Variants in PTPN14 observed in about 807,000 individuals in gnomAD.
PTPN14 encodes protein tyrosine phosphatase non-receptor type 14, also known as tyrosine-protein phosphatase non-receptor type 14.
In PTPN14, 53 loss-of-function variants were observed where a neutral mutation model predicts 126.8. The observed-to-expected ratio is 0.42, with a 90% CI of 0.34 to 0.53. PTPN14 has a LOEUF of 0.53. PTPN14 is among the 20% of genes least tolerant of loss of function. PTPN14 has a pLI of 0.08. For synonymous variants in PTPN14, 630 were observed against 599.3 expected, an observed-to-expected ratio of 1.05 and a Z score of -0.75; for missense variants, 1,257 against 1,552.9, an observed-to-expected ratio of 0.81 and a Z score of 3.20.
chr1:214,390,795 G>C (rs1324977131), intron 11 of PTPN14, among the ~76,000 whole-genome samples, 193 bp downstream of exon 11: 1 of 152,182 alleles, frequency 6.6e-6, no homozygotes, highest in Non-Finnish European at 1.5e-5. Flanking sequence ...GCCACACTTA[G>C]AGTAGTGGTG....
chr1:214,359,126 A>G (rs1657892417), intron 18 of PTPN14, among the ~76,000 whole-genome samples: 1 of 152,182 alleles, frequency 6.6e-6, no homozygotes, highest in Non-Finnish European at 1.5e-5. Flanking sequence ...AAGTGAGATA[A>G]TTTAAGTGTA....
chr1:214,384,506 C>A lies in PTPN14; in HGVS notation c.1349G>T (p.Arg450Leu), dbSNP rs373748699. ...ATGCAGGATCCCCCTCTTCATCTGG[C>A]GCATGACTGTCTCATAATCGGGGGT... The part of the protein sequence containing the change: ...RPTPDYETVM[R>L]QMKRGILHTD... The change falls in exon 13 of 19, where the codon CGC becomes CTC. Residue 450 changes from arginine to leucine, a missense_variant. By Grantham distance (102) the Arg-to-Leu change is moderately radical. Transcript: ENST00000366956. The surrounding 1 kb of genome is among the most constrained non-coding windows in gnomAD (Gnocchi z 5.3). The A allele has an allele frequency of 4.5e-5, 72 of 1,614,006 alleles. 2 individuals carry two copies. Among genetic ancestry groups the A allele is most frequent in the East Asian group, 2.0e-4 (9 of 44,892 alleles).
intron 3 of PTPN14, among the ~76,000 whole-genome samples, chr1:214,415,906 G>C (rs969641857): frequency 6.6e-6 from 1 of 152,028 alleles, no homozygotes; most frequent in African/African-American, 2.4e-5. Flanking sequence ...ACCTAATATG[G>C]GCTAGAAAAA....
chr1:214,366,875 C>T lies in PTPN14; in HGVS notation c.3272-2200G>A, dbSNP rs376564885. On this transcript the variant is annotated intron_variant, in intron 17 of 18. Transcript: ENST00000366956. ...GTGGGCGCCTGTAGTCCCAGCTACT[C>T]GGAGAGGCTGAGGCAGGAGAATGGC... Among the ~76,000 whole-genome samples the T allele has an allele frequency of 7.9e-3, 1,195 of 150,666 alleles. 10 individuals are homozygous for T. Among genetic ancestry groups the T allele is most frequent in the African/African-American group, 0.028 (1,134 of 40,922 alleles).
At chr1:214,512,520 C>A (rs1229722361) in intron 1 of PTPN14, among the ~76,000 whole-genome samples, 2 of 151,926 alleles carry the variant, frequency 1.3e-5, no homozygotes, top group African/African-American at 2.4e-5. Context: ...GGAAACAGAG[C>A]AGAATGGGGG....
chr1:214,526,641 T>G (rs558917617), intron 1 of PTPN14, among the ~76,000 whole-genome samples: 23 of 152,326 alleles, frequency 1.5e-4, no homozygotes, highest in African/African-American at 5.1e-4. Flanking sequence ...AAGTACTGAC[T>G]GGCCCAAACA....
In PTPN14 at chr1:214,483,139, T is replaced by C; in HGVS notation, c.-154-18182A>G. ...CTTGAATGACATCTAAAATGCCAAG[T>C]TCACTTTCTGAAGAATCTACACAGA... On this transcript the variant is annotated intron_variant, in intron 1 of 18. Coordinates refer to ENST00000366956, the MANE Select transcript of PTPN14 (RefSeq NM_005401.5). 3 of 1,607,122 alleles carry C rather than the reference T, an allele frequency of 1.9e-6. No homozygotes were observed. The South Asian group carries it at 3.3e-5, about 18-fold the overall frequency.
chr1:214,395,583 CCAA>C (rs1232972991), intron 8 of PTPN14, among the ~76,000 whole-genome samples: 1 of 105,736 alleles, frequency 9.5e-6, no homozygotes, highest in African/African-American at 3.8e-5. Context: ...ACTTTGGGAC[CCAA>C]CAACACACAC....
intron 1 of PTPN14, among the ~76,000 whole-genome samples, chr1:214,472,850 G>T (rs1351463842): frequency 6.6e-6 from 1 of 152,198 alleles, no homozygotes; most frequent in Non-Finnish European, 1.5e-5. Flanking sequence ...AGAGATTGCA[G>T]ATCCAGACAC....
chr1:214,498,778 C>T (rs1335946568), intron 1 of PTPN14, among the ~76,000 whole-genome samples: 1 of 152,030 alleles, frequency 6.6e-6, no homozygotes, highest in East Asian at 1.9e-4. Context: ...CCCATATGCC[C>T]ATACCCTTTA....
At chr1:214,380,435 A>T (rs1016740139) in intron 13 of PTPN14, among the ~76,000 whole-genome samples, 2 of 152,180 alleles carry the variant, frequency 1.3e-5, no homozygotes, top group African/African-American at 2.4e-5. Flanking sequence ...AATAATTCAC[A>T]AGCTCTGATC....
At chr1:214,403,123 T>C (rs1659074317) in intron 5 of PTPN14, among the ~76,000 whole-genome samples, 170 bp from the exon 6 acceptor site, 1 of 152,198 alleles carries the variant, frequency 6.6e-6, no homozygotes, top group Non-Finnish European at 1.5e-5. Context: ...GAGTTATGAT[T>C]TCTACTGTTA....
chr1:214,498,988 A>G (rs1174065352), intron 1 of PTPN14, among the ~76,000 whole-genome samples: 4 of 152,008 alleles, frequency 2.6e-5, no homozygotes, highest in African/African-American at 9.7e-5. Flanking sequence ...TTTTTATTTT[A>G]TAGAGACAGT....
In PTPN14 at chr1:214,364,482, G is replaced by A; in HGVS notation, c.3435+30C>T. 1 of 1,606,966 alleles carries A rather than the reference G, an allele frequency of 6.2e-7. No homozygotes were observed. Among genetic ancestry groups the A allele is most frequent in the Non-Finnish European group, 8.5e-7 (1 of 1,175,716 alleles). ...GGTGTAGACTTGTCCCCAAGGTGGA[G>A]TATCCGGAGAGAAGCCCAGAATGAC... is the stretch of plus-strand genomic sequence containing the variant. On this transcript the variant is annotated intron_variant, in intron 18 of 18. Coordinates refer to ENST00000366956, the MANE Select transcript of PTPN14 (RefSeq NM_005401.5). This position sits in a 1 kb window ranked among gnomAD's most constrained non-coding sequence, Gnocchi z 4.1.
chr1:214,370,110 C>G (rs1658181751), intron 16 of PTPN14, among the ~76,000 whole-genome samples: 1 of 152,138 alleles, frequency 6.6e-6, no homozygotes, highest in Non-Finnish European at 1.5e-5. Flanking sequence ...GAAACCCCAT[C>G]TCTACTAAAA....
At chr1:214,379,689 A>T (rs945764359) in intron 13 of PTPN14, among the ~76,000 whole-genome samples, 1 of 152,206 alleles carries the variant, frequency 6.6e-6, no homozygotes, top group Non-Finnish European at 1.5e-5. Flanking sequence ...TCCTTTGGAG[A>T]GGCTAATCAG....
intron 5 of PTPN14, among the ~76,000 whole-genome samples, chr1:214,403,605 C>T (rs1659090310): frequency 6.6e-6 from 1 of 152,206 alleles, no homozygotes; most frequent in Non-Finnish European, 1.5e-5. Flanking sequence ...GAACTGATTA[C>T]ACACATCTTT....
At chr1:214,461,036 G>A in intron 2 of PTPN14, among the ~76,000 whole-genome samples, 1 of 151,956 alleles carries the variant, frequency 6.6e-6, no homozygotes, top group Non-Finnish European at 1.5e-5. Context: ...GTGGGGGAGG[G>A]TGTACATGCA....
At chr1:214,520,065 A>AAAAAAAT in intron 1 of PTPN14, among the ~76,000 whole-genome samples, 4 of 71,142 alleles carry the variant, frequency 5.6e-5, no homozygotes, top group African/African-American at 2.2e-4. Flanking sequence ...AAAAAAAAAA[A>AAAAAAAT]ATATATATAT....
Sources: allele counts gnomAD v4.1 joint callset (sites outside exome capture counted in the v4.1 genomes callset), GRCh38; gene constraint gnomAD v4.1.1; non-coding constraint Gnocchi (gnomAD v3.1); transcripts MANE v1.5; gene names NCBI Gene and HGNC (gene_info 2026-07-23, HGNC 2026-07-21).